KANSL1: variants seen among roughly 807,000 people sequenced by gnomAD.
The protein encoded by KANSL1 is MLL1/MLL complex subunit KANSL1.
Under a neutral mutation model 103.6 loss-of-function variants are expected in KANSL1, and 22 were observed. The observed-to-expected ratio is 0.21, with a 90% CI of 0.15 to 0.30. The LOEUF (loss-of-function observed/expected upper bound fraction) is 0.30. Among genes scored for constraint, KANSL1 ranks in the 10% least tolerant of loss-of-function variants. The probability of loss-of-function intolerance (pLI) is 1.00; values close to 1 mark genes in which losing one functional copy is unlikely to be tolerated. For synonymous variants in KANSL1, 600 were observed against 527.6 expected (o/e 1.14, Z -1.88); for missense variants, 1,337 against 1,399.8 (o/e 0.96, Z 0.72).
At chr17:46,037,852 G>A (rs1310251976) in intron 10 of KANSL1, 2 of 152,206 alleles carry the variant, frequency 1.3e-5, no homozygotes, top group African/African-American at 2.4e-5. Flanking sequence ...CACACTTGAG[G>A]AATTAAAATA....
intron 3 of KANSL1, among the ~76,000 whole-genome samples, chr17:46,088,094 G>A (rs1367726204): frequency 6.6e-6 from 1 of 152,292 alleles, no homozygotes; most frequent in Middle Eastern, 3.4e-3. Context: ...ATCATGCTTA[G>A]GCTGCACAGG....
intron 1 of KANSL1, among the ~76,000 whole-genome samples, chr17:46,180,376 T>C (rs1389628279): frequency 6.6e-6 from 1 of 152,022 alleles, no homozygotes; most frequent in Admixed American, 6.5e-5. Context: ...CGGGCACCTG[T>C]AATCCCAGCT....
At chr17:46,095,575 T>C (rs1160764308) in intron 2 of KANSL1, among the ~76,000 whole-genome samples, 1 of 152,248 alleles carries the variant, frequency 6.6e-6, no homozygotes, top group African/African-American at 2.4e-5. Flanking sequence ...ATTAGTTCCC[T>C]TCTTCATGAT....
intron 2 of KANSL1, among the ~76,000 whole-genome samples, chr17:46,167,988 G>C (rs1368207405): frequency 6.6e-6 from 1 of 152,178 alleles, no homozygotes. Flanking sequence ...ATTTTCATCA[G>C]GGCTGCCTAG....
intron 1 of KANSL1, chr17:46,222,812 TG>T (rs2048572750): frequency 6.6e-6 from 1 of 152,280 alleles, no homozygotes; most frequent in African/African-American, 2.4e-5. Flanking sequence ...TATCCTTCTC[TG>T]TCCTTCCTCC....
chr17:46,201,785 T>C (rs2047813822), intron 1 of KANSL1, among the ~76,000 whole-genome samples: 1 of 151,418 alleles, frequency 6.6e-6, no homozygotes, highest in Admixed American at 6.6e-5. Flanking sequence ...GGCAGGTGAA[T>C]CACTTGAGCT....
rs750797696 is a variant in KANSL1, at chr17:46,094,524, G to A, written c.1431+36C>T. 2.2e-5 allele frequency: 35 copies of A among 1,595,330 alleles called. No individual in the cohort carries two copies. In the South Asian group the frequency reaches 2.6e-4, roughly 12 times the overall value. On this transcript the variant is annotated intron_variant, in intron 3 of 14. Coordinates refer to ENST00000432791, the MANE Select transcript of KANSL1 (RefSeq NM_015443.4). ...GAGAAAAGCGATATTGATAGTTTTC[G>A]GCAGCATTTAAAAACATCAGATACT...
intron 3 of KANSL1, among the ~76,000 whole-genome samples, chr17:46,085,633 G>A (rs557120372): frequency 1.2e-4 from 19 of 152,272 alleles, no homozygotes; most frequent in African/African-American, 3.9e-4. Flanking sequence ...GGGATAACAG[G>A]TGCATGCCAC....
intron 1 of KANSL1, among the ~76,000 whole-genome samples, chr17:46,206,030 T>C (rs1174383133): frequency 7.3e-5 from 11 of 150,452 alleles, no homozygotes; most frequent in African/African-American, 2.2e-4. Flanking sequence ...TGAGCCATGA[T>C]TGCATTACTG....
intron 2 of KANSL1, 46 bp from the exon 3 acceptor site, chr17:46,094,747 C>G: frequency 6.2e-7 from 1 of 1,610,152 alleles, no homozygotes; most frequent in Non-Finnish European, 8.5e-7. Context: ...GCAGTAATAT[C>G]TATACCAGAT....
intron 2 of KANSL1, among the ~76,000 whole-genome samples, chr17:46,104,486 T>C (rs2042447914): frequency 6.6e-6 from 1 of 152,240 alleles, no homozygotes; most frequent in Non-Finnish European, 1.5e-5. Context: ...TATATATAAC[T>C]GGTCTCCAAC....
chr17:46,041,126 G>C (rs1300369829), intron 7 of KANSL1: 1 of 152,156 alleles, frequency 6.6e-6, no homozygotes, highest in Non-Finnish European at 1.5e-5. Context: ...CTAGTATATA[G>C]AAGTACAATA....
intron 6 of KANSL1, among the ~76,000 whole-genome samples, chr17:46,053,910 CATTT>C (rs1230055823): frequency 6.6e-6 from 1 of 152,176 alleles, no homozygotes; most frequent in Non-Finnish European, 1.5e-5. Context: ...TGCATGAATT[CATTT>C]AAGTTAAAAA....
At chr17:46,086,923 C>T (rs925937071) in intron 3 of KANSL1, among the ~76,000 whole-genome samples, 3 of 152,116 alleles carry the variant, frequency 2.0e-5, no homozygotes, top group Admixed American at 6.5e-5. Flanking sequence ...CATACCACCA[C>T]GCCTGGCTAG....
At chr17:46,183,979 A>G (rs888697591) in intron 1 of KANSL1, among the ~76,000 whole-genome samples, 1 of 152,200 alleles carries the variant, frequency 6.6e-6, no homozygotes, top group Non-Finnish European at 1.5e-5. Flanking sequence ...AGCATCCCAT[A>G]TTCAAAACCC....
intron 1 of KANSL1, among the ~76,000 whole-genome samples, chr17:46,203,506 C>T (rs1307769777): frequency 6.6e-6 from 1 of 152,182 alleles, no homozygotes; most frequent in Non-Finnish European, 1.5e-5. Flanking sequence ...GGATGTTAAA[C>T]ACTGTAGAAT....
chr17:46,100,736 T>C (rs2042277265), intron 2 of KANSL1, among the ~76,000 whole-genome samples: 1 of 152,240 alleles, frequency 6.6e-6, no homozygotes, highest in African/African-American at 2.4e-5. Context: ...CTAATTCTAT[T>C]CTAAGATGGG....
chr17:46,114,587 A>C (rs183782926), intron 2 of KANSL1, among the ~76,000 whole-genome samples: 2 of 152,192 alleles, frequency 1.3e-5, no homozygotes, highest in Non-Finnish European at 2.9e-5. Flanking sequence ...TTAAGACCAC[A>C]TGTCAGTATT....
chr17:46,174,074 T>C (rs931473285), intron 1 of KANSL1, among the ~76,000 whole-genome samples: 1 of 152,238 alleles, frequency 6.6e-6, no homozygotes, highest in Non-Finnish European at 1.5e-5. Context: ...ACTGACGATA[T>C]TTGCTGCCAA....
Sources: allele counts gnomAD v4.1 joint callset (sites outside exome capture counted in the v4.1 genomes callset), GRCh38; gene constraint gnomAD v4.1.1; transcripts MANE v1.5; gene names NCBI Gene and HGNC (gene_info 2026-07-23, HGNC 2026-07-21).